Variants in ASIC2 observed in about 807,000 individuals in gnomAD.
The protein encoded by ASIC2 is acid sensing ion channel subunit 2, also known as acid-sensing ion channel 2.
A neutral mutation model predicts 57.3 loss-of-function variants in ASIC2; 25 were observed. That is an observed-to-expected ratio of 0.44 (90% confidence interval 0.32 to 0.61). The LOEUF is 0.61. Ranked by LOEUF, ASIC2 falls within the 20% of genes least tolerant of loss-of-function variation. ASIC2 has a pLI of 0.06. For missense variants in ASIC2, 641 were observed against 738.1 expected (o/e 0.87, Z 1.52); for synonymous variants, 319 against 307.5 (o/e 1.04, Z -0.39).
At chr17:33,250,369 A>C (rs1238100995) in intron 1 of ASIC2, among the ~76,000 whole-genome samples, 1 of 152,188 alleles carries the variant, frequency 6.6e-6, no homozygotes, top group Non-Finnish European at 1.5e-5. Context: ...GTGTGGGGCC[A>C]TAGCCCAGCC....
At chr17:33,947,332 C>T (rs958995203) in intron 1 of ASIC2, among the ~76,000 whole-genome samples, 76 of 152,232 alleles carry the variant, frequency 5.0e-4, no homozygotes, top group African/African-American at 1.7e-3. Context: ...GCTCCATTGG[C>T]GTTTCGCTCT....
intron 1 of ASIC2, among the ~76,000 whole-genome samples, chr17:34,097,299 G>A (rs948689457): frequency 3.9e-5 from 6 of 152,234 alleles, no homozygotes; most frequent in Admixed American, 3.3e-4. Flanking sequence ...ACATCAGAGA[G>A]GCACAGACAA....
At chr17:33,846,111 AG>A (rs1464097980) in intron 1 of ASIC2, among the ~76,000 whole-genome samples, 1 of 152,204 alleles carries the variant, frequency 6.6e-6, no homozygotes, top group African/African-American at 2.4e-5. Flanking sequence ...AAAATGAACA[AG>A]GGGAAAGTAG....
intron 1 of ASIC2, among the ~76,000 whole-genome samples, chr17:33,738,715 G>C (rs531840169): frequency 6.6e-6 from 1 of 152,118 alleles, no homozygotes; most frequent in Non-Finnish European, 1.5e-5. Context: ...GGACGTATAG[G>C]CAGATCCAAC....
intron 1 of ASIC2, chr17:34,037,650 C>T (rs2142042785): frequency 6.2e-7 from 1 of 1,612,432 alleles, no homozygotes; most frequent in South Asian, 1.1e-5. Flanking sequence ...TTGGACGCCC[C>T]AGAGGTTGAT....
chr17:34,053,175 C>T (rs1908633518), intron 1 of ASIC2, among the ~76,000 whole-genome samples: 4 of 152,114 alleles, frequency 2.6e-5, no homozygotes, highest in Admixed American at 2.6e-4. Context: ...TTTATGCCTC[C>T]AAATTTTGTT....
intron 1 of ASIC2, among the ~76,000 whole-genome samples, chr17:34,096,659 C>T (rs1320522298): frequency 1.3e-5 from 2 of 151,840 alleles, no homozygotes; most frequent in Non-Finnish European, 1.5e-5. Context: ...TCATGACCAT[C>T]CTGGCTAACA....
At chr17:33,025,138 T>C (rs1292368847) in intron 5 of ASIC2, among the ~76,000 whole-genome samples, 1 of 152,136 alleles carries the variant, frequency 6.6e-6, no homozygotes, top group Non-Finnish European at 1.5e-5. Context: ...CAGCACTGCC[T>C]CACTTAGCTC....
At chr17:34,020,559 A>C (rs947984183) in intron 1 of ASIC2, among the ~76,000 whole-genome samples, 6 of 152,228 alleles carry the variant, frequency 3.9e-5, no homozygotes, top group Non-Finnish European at 8.8e-5. Flanking sequence ...AGTTAGAGAG[A>C]TTTGAGTGAT....
chr17:33,648,845 A>G (rs1313511195), intron 1 of ASIC2, among the ~76,000 whole-genome samples: 1 of 152,242 alleles, frequency 6.6e-6, no homozygotes, highest in Non-Finnish European at 1.5e-5. Flanking sequence ...ATAAAACTGT[A>G]TTGTTAAAAA....
intron 1 of ASIC2, among the ~76,000 whole-genome samples, chr17:33,223,667 TATCA>T (rs1907769930): frequency 6.6e-6 from 1 of 152,252 alleles, no homozygotes; most frequent in Admixed American, 6.5e-5. Flanking sequence ...TAATATTTGG[TATCA>T]AGCCAAAGAG....
At chr17:33,478,978 C>T (rs1038989898) in intron 1 of ASIC2, among the ~76,000 whole-genome samples, 1 of 152,154 alleles carries the variant, frequency 6.6e-6, no homozygotes, top group African/African-American at 2.4e-5. Context: ...TTGCTGTTCA[C>T]CATGACTTCC....
At chr17:33,195,704 G>C (rs1297018619) in intron 1 of ASIC2, among the ~76,000 whole-genome samples, 2 of 152,144 alleles carry the variant, frequency 1.3e-5, no homozygotes, top group Non-Finnish European at 2.9e-5. Context: ...TGTGCAGACA[G>C]GGAAACTGAG....
intron 1 of ASIC2, among the ~76,000 whole-genome samples, chr17:33,960,275 G>T (rs1904877199): frequency 6.6e-6 from 1 of 152,222 alleles, no homozygotes; most frequent in Non-Finnish European, 1.5e-5. Flanking sequence ...GAGGATACCA[G>T]ACCCAAGAGA....
At chr17:34,130,273 C>A (rs1037576250) in intron 1 of ASIC2, among the ~76,000 whole-genome samples, 4 of 152,114 alleles carry the variant, frequency 2.6e-5, no homozygotes, top group Non-Finnish European at 5.9e-5. Context: ...CCTGTGCAGG[C>A]TCCAAAGATA....
chr17:34,099,124 G>A (rs1311499123), intron 1 of ASIC2, among the ~76,000 whole-genome samples: 14 of 27,914 alleles, frequency 5.0e-4, no homozygotes, highest in African/African-American at 8.2e-4. Context: ...GAGAGAGAGA[G>A]AGAGAGAGAG....
At chr17:33,567,293 T>C (rs576646876) in intron 1 of ASIC2, among the ~76,000 whole-genome samples, 99 of 152,064 alleles carry the variant, frequency 6.5e-4, no homozygotes, top group Non-Finnish European at 1.2e-3. Flanking sequence ...AGCCCCAGGG[T>C]GAGAACAATT....
chr17:33,437,876 C>T (rs569680331), intron 1 of ASIC2, among the ~76,000 whole-genome samples: 4 of 152,310 alleles, frequency 2.6e-5, no homozygotes, highest in African/African-American at 7.2e-5. Flanking sequence ...TCCCACCTTC[C>T]TGTTCCCTCT....
intron 1 of ASIC2, among the ~76,000 whole-genome samples, chr17:33,733,531 A>T (rs1054418122): frequency 1.3e-5 from 2 of 152,196 alleles, no homozygotes; most frequent in Admixed American, 1.3e-4. Flanking sequence ...TCATGTGCAT[A>T]CATTCCTCTC....
Sources: gnomAD v4.1 joint callset for allele counts (sites outside exome capture counted in the v4.1 genomes callset) on GRCh38, gnomAD v4.1.1 for gene constraint, MANE v1.5 for transcripts, NCBI Gene and HGNC (gene_info 2026-07-23, HGNC 2026-07-21) for gene names.